The following ABCB4 variants were observed in gnomAD, a reference collection of about 807,000 sequenced individuals.
The protein encoded by ABCB4 is ATP binding cassette subfamily B member 4.
ABCB4 carries 76 observed loss-of-function variants against 145.7 expected under a neutral mutation model. The ratio of observed to expected loss-of-function variants is 0.52; its 90% CI spans 0.43 to 0.63. ABCB4 has a LOEUF of 0.63. Ranked by LOEUF, ABCB4 falls within the 30% of genes least tolerant of loss-of-function variation. The pLI is 0.00. For missense variants in ABCB4, 1,234 were observed against 1,553.1 expected (o/e 0.79, Z 3.45); for synonymous variants, 517 against 566.8 (o/e 0.91, Z 1.25).
chr7:87,406,192 A>C, intron 26 of ABCB4, 96 bp downstream of exon 26: 1 of 1,302,044 alleles, frequency 7.7e-7, no homozygotes, highest in South Asian at 1.2e-5. Flanking sequence ...TTAGTAAATC[A>C]ACATATTTTG....
upstream of ABCB4, chr7:87,475,713 G>A: frequency 2.2e-6 from 1 of 445,198 alleles, no homozygotes. Flanking sequence ...GCTCGCCGCG[G>A]CCTCGCCCCC....
intron 19 of ABCB4, among the ~76,000 whole-genome samples, chr7:87,419,404 G>A (rs1809231664): frequency 6.6e-6 from 1 of 152,094 alleles, no homozygotes; most frequent in Admixed American, 6.6e-5. Context: ...CCTATGTCAG[G>A]CACTAGAATG....
intron 16 of ABCB4, among the ~76,000 whole-genome samples, chr7:87,425,295 A>T (rs1007855363): frequency 1.9e-4 from 29 of 152,124 alleles, no homozygotes; most frequent in African/African-American, 7.0e-4. Context: ...AAAATACTGG[A>T]GTTTAAAGAG....
At chr7:87,459,129 C>T (rs903425081) in intron 4 of ABCB4, among the ~76,000 whole-genome samples, 1 of 152,140 alleles carries the variant, frequency 6.6e-6, no homozygotes, top group Non-Finnish European at 1.5e-5. Context: ...TTTAATCTGA[C>T]TTTAAAAATT....
chr7:87,408,737 T>C (rs1253225132), intron 24 of ABCB4, among the ~76,000 whole-genome samples: 2 of 152,200 alleles, frequency 1.3e-5, no homozygotes, highest in Non-Finnish European at 1.5e-5. Context: ...CTAGCCTCTT[T>C]ACCTACACAG....
chr7:87,366,783 G>A, the ABCB4 span, among the ~76,000 whole-genome samples: 1,758 of 152,152 alleles, frequency 0.012, 35 homozygotes, highest in African/African-American at 0.04. Context: ...AATTTAATTT[G>A]TCTTTTCTCT....
the ABCB4 span, among the ~76,000 whole-genome samples, chr7:87,374,887 G>C: frequency 1.6e-4 from 25 of 151,934 alleles, no homozygotes; most frequent in Non-Finnish European, 4.4e-5. Flanking sequence ...ATCCTTGAAA[G>C]CTTTTAAATT....
In ABCB4 at chr7:87,417,477, T is replaced by G; in HGVS notation, c.2517A>C (p.Ile839=). Residue 839 remains isoleucine, a synonymous_variant, in exon 21 of 28, where the codon ATA becomes ATC. Coordinates refer to ENST00000649586, the MANE Select transcript of ABCB4 (RefSeq NM_000443.4). ...GTRLALIAQN[I]ANLGTGIIIS... Reference sequence around the variant, plus strand: ...TGATAATACCAGTTCCAAGGTTAGCTATATTCTGTGCAATTAAAGCCAACC... The same window carrying G: ...TGATAATACCAGTTCCAAGGTTAGCGATATTCTGTGCAATTAAAGCCAACC... The G allele has an allele frequency of 6.2e-7, 1 of 1,614,158 alleles. No homozygotes were observed.
At chr7:87,431,809 T>C (rs1186739486) in intron 14 of ABCB4, among the ~76,000 whole-genome samples, 1 of 152,208 alleles carries the variant, frequency 6.6e-6, no homozygotes, top group African/African-American at 2.4e-5. Context: ...CAGAAACCTA[T>C]GGTAGTGTCA....
At chr7:87,465,080 C>T (rs927821855) in intron 3 of ABCB4, among the ~76,000 whole-genome samples, 6 of 152,210 alleles carry the variant, frequency 3.9e-5, no homozygotes, top group African/African-American at 1.4e-4. Flanking sequence ...GGGGAAGCAT[C>T]CCCTCACCCG....
intron 2 of ABCB4, among the ~76,000 whole-genome samples, chr7:87,473,769 T>C (rs1406930898): frequency 6.6e-6 from 1 of 152,092 alleles, no homozygotes; most frequent in Non-Finnish European, 1.5e-5. Context: ...ATATATATGA[T>C]GATTTTTACA....
chr7:87,391,501 C>A, the ABCB4 span: 1 of 1,312,378 alleles, frequency 7.6e-7, no homozygotes, highest in Non-Finnish European at 1.0e-6. Flanking sequence ...AGTCTCTGAA[C>A]AAAGCTAGCT....
chr7:87,475,452 G>C lies in ABCB4; in HGVS notation c.14C>G (p.Ala5Gly). 1 of 1,614,148 alleles carries C rather than the reference G, an allele frequency of 6.2e-7. No individual in the cohort carries two copies. Among genetic ancestry groups the C allele is most frequent in the Non-Finnish European group, 8.5e-7 (1 of 1,180,016 alleles). The change falls in exon 2 of 28, where the codon GCG becomes GGG. Residue 5 changes from alanine to glycine, a missense_variant. Transcript: ENST00000649586. MDLE[A>G]AKNGTAWRPT... ...GCGCCAGGCTGTTCCGTTCTTTGCC[G>C]CCTCAAGATCCATCTCAGCCTGAGG...
At chr7:87,452,889 T>G in intron 6 of ABCB4, 55 bp downstream of exon 6, 1 of 1,566,114 alleles carries the variant, frequency 6.4e-7, no homozygotes, top group Non-Finnish European at 8.8e-7. Context: ...CCTTGACATA[T>G]TTTCACACAG....
At chr7:87,466,837 A>G (rs1358339724) in intron 3 of ABCB4, among the ~76,000 whole-genome samples, 3 of 151,512 alleles carry the variant, frequency 2.0e-5, no homozygotes, top group South Asian at 4.1e-4. Flanking sequence ...TACTTTACAG[A>G]CAAGCAAATG....
Position 87,447,599 on chromosome 7 carries a change from A to G in ABCB4, c.834-394T>C, listed in dbSNP as rs571017656. On this transcript the variant is annotated intron_variant, in intron 8 of 27. Transcript: ENST00000649586. Reference sequence around the variant, plus strand: ...GATTGTAAATGTCACTGGAACTCATAAACAGTTAGATTCTTAACTCTGGTC... The same window carrying G: ...GATTGTAAATGTCACTGGAACTCATGAACAGTTAGATTCTTAACTCTGGTC... Among the ~76,000 whole-genome samples, 15 of 152,364 alleles carry G rather than the reference A, an allele frequency of 9.8e-5. No homozygotes were observed. In the South Asian group the frequency reaches 2.9e-3, roughly 29 times the overall value.
chr7:87,398,787 A>G (rs1807641050), downstream of ABCB4: 14 of 750,904 alleles, frequency 1.9e-5, no homozygotes, highest in South Asian at 2.4e-4. Context: ...TGTAGAAATT[A>G]GTAGAATCAT....
At chr7:87,383,693 C>T in the ABCB4 span, among the ~76,000 whole-genome samples, 5 of 151,946 alleles carry the variant, frequency 3.3e-5, no homozygotes, top group Admixed American at 2.0e-4. Flanking sequence ...GATGGGGTTT[C>T]GTCGTGTTGG....
rs1319204316 is a variant in ABCB4 at position 87,417,317 on chromosome 7, C to T, written c.2677G>A (p.Gly893Arg). 2 of 1,613,962 alleles carry T rather than the reference C, an allele frequency of 1.2e-6. No individual in the cohort carries two copies. Among genetic ancestry groups the T allele is most frequent in the Non-Finnish European group, 1.7e-6 (2 of 1,179,944 alleles). ...TGAAATCTTATTTGACCTACCTTTC[C>T]AGCAGCTTCCAGTTCTTTTTTATCT... ...KRDKKELEAA[G>R]KIATEAIENI... The change falls in exon 21 of 28, where the codon GGA (glycine) becomes AGA (arginine). Residue 893 changes from glycine (G) to arginine (R), a missense_variant. Coordinates refer to ENST00000649586, the MANE Select transcript of ABCB4 (RefSeq NM_000443.4).
Sources: allele counts gnomAD v4.1 joint callset (sites outside exome capture counted in the v4.1 genomes callset), GRCh38; gene constraint gnomAD v4.1.1; transcripts MANE v1.5; gene names NCBI Gene and HGNC (gene_info 2026-07-23, HGNC 2026-07-21).